The following TRPM3 variants were observed in gnomAD, a reference collection of about 807,000 sequenced individuals.
The protein encoded by TRPM3 is long transient receptor potential channel 3.
Under a neutral mutation model 181.2 loss-of-function variants are expected in TRPM3, and 77 were observed. The observed-to-expected ratio is 0.42, with a 90% CI of 0.35 to 0.51. The LOEUF (loss-of-function observed/expected upper bound fraction) is 0.51, where lower values mean the gene tolerates loss of function less well. TRPM3 is among the 20% of genes least tolerant of loss of function. The pLI, the probability that TRPM3 is intolerant of heterozygous loss-of-function variation, is 0.01. For synonymous variants in TRPM3, 745 were observed against 796.4 expected (o/e 0.94, Z 1.09); for missense variants, 1,759 against 2,196.7 (o/e 0.80, Z 3.98).
At chr9:71,093,497 C>A (rs2066580651) in intron 1 of TRPM3, among the ~76,000 whole-genome samples, 1 of 152,058 alleles carries the variant, frequency 6.6e-6, no homozygotes, top group Non-Finnish European at 1.5e-5. Context: ...ATCTTATCAG[C>A]ACTGGTCATT....
intron 1 of TRPM3, among the ~76,000 whole-genome samples, chr9:71,106,482 T>C (rs1053899260): frequency 2.0e-5 from 3 of 152,106 alleles, no homozygotes; most frequent in African/African-American, 4.8e-5. Context: ...TTGACAGGCC[T>C]GCTTCCCCTT....
intron 1 of TRPM3, among the ~76,000 whole-genome samples, chr9:71,196,487 T>C (rs1214475402): frequency 6.6e-6 from 1 of 151,888 alleles, no homozygotes; most frequent in African/African-American, 2.4e-5. Context: ...TACCTTAACA[T>C]CATGGAATCT....
intron 1 of TRPM3, among the ~76,000 whole-genome samples, chr9:71,286,368 G>T (rs113029320): frequency 0.022 from 3,378 of 152,242 alleles, 50 homozygotes; most frequent in South Asian, 0.039. Flanking sequence ...GCTGTGATTT[G>T]CCCTTCATGT....
chr9:70,631,830 A>C (rs2065907426), intron 12 of TRPM3, among the ~76,000 whole-genome samples: 2 of 152,186 alleles, frequency 1.3e-5, no homozygotes, highest in African/African-American at 4.8e-5. Flanking sequence ...CCCCACATTC[A>C]GTTCTGTTGG....
intron 7 of TRPM3, among the ~76,000 whole-genome samples, chr9:70,776,651 T>TA (rs2081420694): frequency 2.6e-5 from 4 of 152,192 alleles, no homozygotes; most frequent in Admixed American, 1.3e-4. Flanking sequence ...TCAAGTCTGA[T>TA]AGACGTTTGG....
intron 1 of TRPM3, among the ~76,000 whole-genome samples, chr9:71,148,766 A>G (rs986509315): frequency 6.6e-6 from 1 of 152,200 alleles, no homozygotes; most frequent in Non-Finnish European, 1.5e-5. Flanking sequence ...GGTGAATTTC[A>G]ACTAAGGAAG....
At chr9:70,888,966 G>A (rs907291164) in intron 1 of TRPM3, among the ~76,000 whole-genome samples, 1 of 152,228 alleles carries the variant, frequency 6.6e-6, no homozygotes, top group African/African-American at 2.4e-5. Flanking sequence ...GGAGAAGGAA[G>A]TGGGAATACA....
chr9:71,337,943 G>A (rs923843583), intron 1 of TRPM3, among the ~76,000 whole-genome samples: 1 of 152,106 alleles, frequency 6.6e-6, no homozygotes, highest in Non-Finnish European at 1.5e-5. Flanking sequence ...AGGGTGGGGG[G>A]CCAGGGGAGG....
intron 1 of TRPM3, among the ~76,000 whole-genome samples, chr9:71,216,209 A>G (rs1265617632): frequency 2.6e-5 from 4 of 151,830 alleles, no homozygotes; most frequent in African/African-American, 9.7e-5. Context: ...GGTTCAAACA[A>G]TTACATTGTA....
intron 4 of TRPM3, among the ~76,000 whole-genome samples, chr9:70,844,937 T>C (rs573413284): frequency 1.3e-5 from 2 of 152,254 alleles, no homozygotes; most frequent in East Asian, 3.9e-4. Flanking sequence ...GAGGGAAACA[T>C]GGAGCCCAAA....
intron 22 of TRPM3, among the ~76,000 whole-genome samples, chr9:70,589,031 G>A (rs2057655233): frequency 6.6e-6 from 1 of 152,214 alleles, no homozygotes; most frequent in Non-Finnish European, 1.5e-5. Context: ...TTGGGGAAGG[G>A]CATCACGAAG....
intron 9 of TRPM3, among the ~76,000 whole-genome samples, chr9:70,668,240 A>C (rs1394289715): frequency 6.6e-6 from 1 of 152,184 alleles, no homozygotes; most frequent in Non-Finnish European, 1.5e-5. Context: ...ATGAACTTCT[A>C]GCATGTGACC....
At chr9:71,245,473 C>T (rs545821206) in intron 1 of TRPM3, among the ~76,000 whole-genome samples, 1 of 150,882 alleles carries the variant, frequency 6.6e-6, no homozygotes, top group Admixed American at 6.6e-5. Flanking sequence ...AGTGAAGAGA[C>T]ATCTGAACTT....
At chr9:70,871,507 A>C (rs1444118609) in intron 1 of TRPM3, among the ~76,000 whole-genome samples, 1 of 152,034 alleles carries the variant, frequency 6.6e-6, no homozygotes, top group African/African-American at 2.4e-5. Flanking sequence ...TTAACCAAAA[A>C]CAAAAATATT....
chr9:71,295,316 G>T (rs1028857653), intron 1 of TRPM3, among the ~76,000 whole-genome samples: 1 of 151,326 alleles, frequency 6.6e-6, no homozygotes, highest in African/African-American at 2.4e-5. Context: ...AGTTACAATA[G>T]ACAGTACTAT....
At chr9:71,217,800 A>T (rs1386601168) in intron 1 of TRPM3, among the ~76,000 whole-genome samples, 1 of 152,170 alleles carries the variant, frequency 6.6e-6, no homozygotes, top group African/African-American at 2.4e-5. Context: ...ACAACAGTGT[A>T]TCCTGCCCAC....
intron 3 of TRPM3, among the ~76,000 whole-genome samples, chr9:70,851,304 T>C (rs2095220713): frequency 6.6e-6 from 1 of 152,260 alleles, no homozygotes; most frequent in Non-Finnish European, 1.5e-5. Flanking sequence ...GCATACATTA[T>C]TAACTCACAT....
At position 71,121,166 on chromosome 9, in the gene TRPM3, A is replaced by C. The variant is rs1267166379; in HGVS notation, c.177+12T>G. 4.4e-6 allele frequency: 7 copies of C among 1,607,050 alleles called. No individual in the cohort carries two copies. The highest frequency in any genetic ancestry group is 5.9e-6 in the Non-Finnish European group (7 of 1,177,366). On this transcript the variant is annotated intron_variant, in intron 1 of 25. Transcript: ENST00000677713. ...CACAATTAGCGCCATTCAAAGCTGC[A>C]AGTTACAGTACCTTCAGAAGTCTGA...
chr9:70,668,087 A>C (rs1180317448), intron 9 of TRPM3, among the ~76,000 whole-genome samples: 1 of 152,202 alleles, frequency 6.6e-6, no homozygotes, highest in Non-Finnish European at 1.5e-5. Flanking sequence ...TATTTCATGC[A>C]TCAAGAAAAG....
Sources: allele counts gnomAD v4.1 joint callset (sites outside exome capture counted in the v4.1 genomes callset), GRCh38; gene constraint gnomAD v4.1.1; transcripts MANE v1.5; gene names NCBI Gene and HGNC (gene_info 2026-07-23, HGNC 2026-07-21).